ADAMTS18: variants seen among roughly 807,000 people sequenced by gnomAD.
ADAMTS18 encodes the protein A disintegrin and metalloproteinase with thrombospondin motifs 18.
ADAMTS18 carries 157 observed loss-of-function variants against 165.9 expected under a neutral mutation model. The ratio of observed to expected loss-of-function variants is 0.95; its 90% confidence interval spans 0.83 to 1.08. The LOEUF is 1.08. Ranked by LOEUF, ADAMTS18 falls within the 50% of genes least tolerant of loss-of-function variation. The pLI, the probability that ADAMTS18 is intolerant of heterozygous loss-of-function variation, is 0.00. For missense variants in ADAMTS18, 2,040 were observed against 1,534.0 expected, an observed-to-expected ratio of 1.33 and a Z score of -5.51; for synonymous variants, 782 against 578.2, an observed-to-expected ratio of 1.35 and a Z score of -5.06.
intron 10 of ADAMTS18, among the ~76,000 whole-genome samples, chr16:77,349,058 G>A (rs554796446): frequency 6.6e-6 from 1 of 152,158 alleles, no homozygotes; most frequent in Non-Finnish European, 1.5e-5. Flanking sequence ...AGTAAACTTG[G>A]TATGTTACAA....
intron 3 of ADAMTS18, among the ~76,000 whole-genome samples, chr16:77,409,549 C>A (rs749240312): frequency 6.6e-5 from 10 of 152,152 alleles, no homozygotes; most frequent in South Asian, 4.1e-4. Context: ...GACAGATTTA[C>A]AATGGAGAAC....
intron 3 of ADAMTS18, among the ~76,000 whole-genome samples, chr16:77,403,080 A>G (rs2057351398): frequency 6.6e-6 from 1 of 152,224 alleles, no homozygotes; most frequent in African/African-American, 2.4e-5. Flanking sequence ...TACTTGTGTT[A>G]ATGCAATTTC....
At position 77,310,575 on chromosome 16, in the gene ADAMTS18, C is replaced by T. The variant is rs2055761923; in HGVS notation, c.2532+9274G>A. 3.3e-5 allele frequency among the ~76,000 whole-genome samples: 5 copies of T among 152,096 alleles called. No homozygotes were observed. The South Asian group carries it at 1.0e-3, about 32-fold the overall frequency. On this transcript the variant is annotated intron_variant, in intron 16 of 22. Transcript: ENST00000282849. ...TCCACGTACCAATGCTTGTTTTTTA[C>T]ATTATTTAAAGACTTAAGGCTGTAA...
Position 77,434,774 on chromosome 16 carries a change from G to C in ADAMTS18, c.-79C>G, listed in dbSNP as rs1440700429. The C allele has an allele frequency of 1.3e-5, 16 of 1,218,802 alleles. No homozygotes were observed. The East Asian group carries it at 1.3e-4, about 10-fold the overall frequency. 75.5% of individuals were successfully genotyped at this position (1,218,802 alleles called of 1,614,324 possible). ...ACGGGCGGCGCGCATTCTTTCCGCG[G>C]CCCCGGAGCTCGGCGCCCCAGGTGC... is the stretch of plus-strand genomic sequence containing the variant. On this transcript the variant is annotated 5_prime_UTR_variant, in exon 1 of 23. Coordinates refer to ENST00000282849, the MANE Select transcript of ADAMTS18 (RefSeq NM_199355.4).
chr16:77,432,108 T>C (rs377246542), intron 2 of ADAMTS18, among the ~76,000 whole-genome samples: 1 of 152,242 alleles, frequency 6.6e-6, no homozygotes, highest in African/African-American at 2.4e-5. Context: ...TTTCAAGTCC[T>C]AACTCACAGT....
At chr16:77,308,784 T>C (rs1003966750) in intron 16 of ADAMTS18, among the ~76,000 whole-genome samples, 1 of 152,216 alleles carries the variant, frequency 6.6e-6, no homozygotes, top group Non-Finnish European at 1.5e-5. Context: ...CTACTTCAGA[T>C]GAACTGTCAA....
chr16:77,317,064 A>T (rs936397104), intron 16 of ADAMTS18, among the ~76,000 whole-genome samples: 6 of 152,108 alleles, frequency 3.9e-5, no homozygotes, highest in African/African-American at 1.4e-4. Flanking sequence ...TCACATGGTA[A>T]TTCTCAGATA....
intron 3 of ADAMTS18, among the ~76,000 whole-genome samples, chr16:77,388,582 G>A (rs776460265): frequency 1.3e-5 from 2 of 152,216 alleles, no homozygotes; most frequent in Admixed American, 1.3e-4. Flanking sequence ...ATTGAACACA[G>A]AATGAGGATA....
chr16:77,284,555 T>G (rs1834051), intron 22 of ADAMTS18, among the ~76,000 whole-genome samples: 1 of 151,782 alleles, frequency 6.6e-6, no homozygotes, highest in Admixed American at 6.6e-5. Context: ...CCATTAAACA[T>G]TGGGACTTTG....
chr16:77,384,435 C>G (rs1240688769), intron 3 of ADAMTS18, among the ~76,000 whole-genome samples: 2 of 152,224 alleles, frequency 1.3e-5, no homozygotes, highest in East Asian at 1.9e-4. Flanking sequence ...TGATTTTGTG[C>G]CCTTAGAACT....
chr16:77,418,161 T>C (rs955896284), intron 3 of ADAMTS18, among the ~76,000 whole-genome samples: 2 of 152,194 alleles, frequency 1.3e-5, no homozygotes, highest in African/African-American at 4.8e-5. Flanking sequence ...AGATGGGTTT[T>C]CTGCTGCCAT....
At chr16:77,356,701 A>G (rs371824015) in intron 8 of ADAMTS18, among the ~76,000 whole-genome samples, 2 of 152,288 alleles carry the variant, frequency 1.3e-5, no homozygotes, top group Non-Finnish European at 1.5e-5. Context: ...TTTCAGATGT[A>G]TTATATGAGA....
At chr16:77,415,618 G>A (rs1374539796) in intron 3 of ADAMTS18, among the ~76,000 whole-genome samples, 1 of 150,790 alleles carries the variant, frequency 6.6e-6, no homozygotes, top group Admixed American at 6.7e-5. Flanking sequence ...TGTAAAACAT[G>A]TCACCTTCCC....
intron 3 of ADAMTS18, among the ~76,000 whole-genome samples, chr16:77,427,456 C>A (rs1395262950): frequency 6.6e-6 from 1 of 152,194 alleles, no homozygotes; most frequent in African/African-American, 2.4e-5. Context: ...TTTCTCATCA[C>A]TGTGCTAGTC....
intron 10 of ADAMTS18, among the ~76,000 whole-genome samples, chr16:77,349,792 G>C (rs181665244): frequency 6.6e-6 from 1 of 152,132 alleles, no homozygotes; most frequent in Non-Finnish European, 1.5e-5. Context: ...AATATACACC[G>C]ATCCTGCTAT....
At chr16:77,385,779 A>G (rs1441481015) in intron 3 of ADAMTS18, among the ~76,000 whole-genome samples, 1 of 152,190 alleles carries the variant, frequency 6.6e-6, no homozygotes, top group South Asian at 2.1e-4. Flanking sequence ...AGAGCCAGAC[A>G]TGACCACCAT....
intron 3 of ADAMTS18, among the ~76,000 whole-genome samples, chr16:77,374,106 C>T (rs2144757180): frequency 6.6e-6 from 1 of 151,876 alleles, no homozygotes; most frequent in Middle Eastern, 3.4e-3. Flanking sequence ...GTAATCCCAG[C>T]TACTCAGGAG....
chr16:77,305,744 C>T (rs1403986883), intron 16 of ADAMTS18, among the ~76,000 whole-genome samples: 2 of 152,162 alleles, frequency 1.3e-5, no homozygotes, highest in African/African-American at 4.8e-5. Flanking sequence ...TTAGTGTGTC[C>T]ATCACCATCA....
chr16:77,410,309 TC>T (rs2057445252), intron 3 of ADAMTS18, among the ~76,000 whole-genome samples: 1 of 151,550 alleles, frequency 6.6e-6, no homozygotes, highest in South Asian at 2.1e-4. Flanking sequence ...AAAAAAAAAT[TC>T]CTACAAAGAA....
Sources: allele counts gnomAD v4.1 joint callset (sites outside exome capture counted in the v4.1 genomes callset), GRCh38; gene constraint gnomAD v4.1.1; transcripts MANE v1.5; gene names NCBI Gene and HGNC (gene_info 2026-07-23, HGNC 2026-07-21).